CHCHD6: variants seen among roughly 807,000 people sequenced by gnomAD.
The protein encoded by CHCHD6 is coiled-coil-helix-coiled-coil-helix domain containing 6.
CHCHD6 carries 28 observed loss-of-function variants against 32.3 expected under a neutral mutation model. That is an observed-to-expected ratio of 0.87 (90% CI 0.64 to 1.19). CHCHD6 has a LOEUF of 1.19. Among genes scored for constraint, CHCHD6 ranks in the 50% most tolerant of loss-of-function variants. The probability of loss-of-function intolerance (pLI) is 0.00; values close to 1 mark genes in which losing one functional copy is unlikely to be tolerated. For missense variants in CHCHD6, 333 were observed against 307.0 expected (o/e 1.08, Z -0.63); for synonymous variants, 122 against 117.5 (o/e 1.04, Z -0.25).
intron 4 of CHCHD6, among the ~76,000 whole-genome samples, chr3:126,804,000 G>T (rs545015794): frequency 4.1e-4 from 62 of 152,318 alleles, no homozygotes; most frequent in African/African-American, 1.5e-3. Flanking sequence ...AAATAAAGAT[G>T]TTCTTTTAAA....
intron 4 of CHCHD6, among the ~76,000 whole-genome samples, chr3:126,818,042 C>T (rs1374327245): frequency 1.3e-5 from 2 of 152,084 alleles, no homozygotes; most frequent in Admixed American, 6.5e-5. Context: ...GGGTGATGGC[C>T]GCAGCCATGT....
intron 4 of CHCHD6, among the ~76,000 whole-genome samples, chr3:126,751,552 T>C (rs1559822635): frequency 6.6e-6 from 1 of 151,688 alleles, no homozygotes; most frequent in Admixed American, 6.6e-5. Context: ...ACTTGATTTT[T>C]ATCTTATCCT....
At chr3:126,899,338 T>G (rs1453455211) in intron 5 of CHCHD6, among the ~76,000 whole-genome samples, 1 of 152,224 alleles carries the variant, frequency 6.6e-6, no homozygotes, top group Non-Finnish European at 1.5e-5. Context: ...CTCATCAAAT[T>G]TGCAAATTTT....
chr3:126,931,604 GC>G (rs1245580908), intron 6 of CHCHD6, among the ~76,000 whole-genome samples: 1 of 152,120 alleles, frequency 6.6e-6, no homozygotes, highest in Non-Finnish European at 1.5e-5. Context: ...ACCTGAGTCT[GC>G]CCCCCAGGTC....
At chr3:126,935,093 C>G (rs2078459940) in intron 6 of CHCHD6, 2 of 985,764 alleles carry the variant, frequency 2.0e-6, no homozygotes, top group Admixed American at 1.2e-4. Context: ...CCATTCGTTC[C>G]AGGGTTTACT....
At chr3:126,741,013 T>C (rs940546240) in intron 4 of CHCHD6, among the ~76,000 whole-genome samples, 2 of 152,222 alleles carry the variant, frequency 1.3e-5, no homozygotes, top group Admixed American at 1.3e-4. Flanking sequence ...TGTTCATCAC[T>C]GCTGCAGTAG....
chr3:126,715,248 GT>G (rs1300381614), intron 1 of CHCHD6, among the ~76,000 whole-genome samples: 1 of 152,088 alleles, frequency 6.6e-6, no homozygotes, highest in Admixed American at 6.5e-5. Flanking sequence ...AGTGTCCAGG[GT>G]TTGGATTTGA....
At chr3:126,886,210 A>G (rs976279736) in intron 5 of CHCHD6, among the ~76,000 whole-genome samples, 1 of 152,218 alleles carries the variant, frequency 6.6e-6, no homozygotes, top group African/African-American at 2.4e-5. Flanking sequence ...ACTTTTATAG[A>G]TATAAAGCAA....
At chr3:126,779,226 C>T (rs1937799922) in intron 4 of CHCHD6, among the ~76,000 whole-genome samples, 1 of 152,048 alleles carries the variant, frequency 6.6e-6, no homozygotes, top group Non-Finnish European at 1.5e-5. Flanking sequence ...AGACTTACAC[C>T]TATGATTCTT....
At chr3:126,756,070 C>G (rs1936946228) in intron 4 of CHCHD6, among the ~76,000 whole-genome samples, 2 of 152,132 alleles carry the variant, frequency 1.3e-5, no homozygotes, top group Admixed American at 6.5e-5. Flanking sequence ...GTTGCAGCAG[C>G]TGGTCTGTCT....
chr3:126,746,501 G>A (rs746796085), intron 4 of CHCHD6, among the ~76,000 whole-genome samples: 4 of 152,166 alleles, frequency 2.6e-5, no homozygotes, highest in Non-Finnish European at 5.9e-5. Context: ...GGCGCTTGGT[G>A]TGCGAGTGCA....
chr3:126,705,434 A>G (rs1478369664), intron 1 of CHCHD6, among the ~76,000 whole-genome samples: 1 of 152,220 alleles, frequency 6.6e-6, no homozygotes, highest in African/African-American at 2.4e-5. Flanking sequence ...TAACTGATTT[A>G]ATTTTCAACA....
intron 3 of CHCHD6, among the ~76,000 whole-genome samples, chr3:126,730,894 A>G (rs1280024581): frequency 1.3e-5 from 2 of 152,076 alleles, no homozygotes; most frequent in East Asian, 1.9e-4. Context: ...GGGTTGCTTG[A>G]GGCCAGGAGT....
chr3:126,960,292 C>T lies in CHCHD6; in HGVS notation c.*91C>T. On this transcript the variant is annotated 3_prime_UTR_variant, in exon 8 of 8. Transcript: ENST00000290913. ...CCACAGCCACTGTGCCCTGCCGTTT[C>T]CTGCTGGGCCCCTGCATATGCCCCT... is the stretch of plus-strand genomic sequence containing the variant. 4 of 1,465,990 alleles carry T rather than the reference C, an allele frequency of 2.7e-6. No individual in the cohort carries two copies. The highest frequency in any genetic ancestry group is 3.7e-6 in the Non-Finnish European group (4 of 1,072,660). The allele number at this position is 1,465,990 out of a possible 1,614,324, so 90.8% of individuals were successfully genotyped here. A position where few individuals can be genotyped will look rare whatever the true frequency, so the allele number is the denominator to read the frequency against.
intron 5 of CHCHD6, among the ~76,000 whole-genome samples, chr3:126,885,694 C>A (rs1237310961): frequency 1.3e-5 from 2 of 152,212 alleles, no homozygotes; most frequent in Admixed American, 6.5e-5. Flanking sequence ...ACCTCATCTG[C>A]TGTCAACAGC....
chr3:126,780,241 A>T (rs1208962773), intron 4 of CHCHD6: 2 of 329,794 alleles, frequency 6.1e-6, no homozygotes, highest in Non-Finnish European at 1.2e-5. Context: ...TCACTTGGAT[A>T]ATGAAAGTTA....
At chr3:126,861,989 C>T (rs1179473241) in intron 5 of CHCHD6, among the ~76,000 whole-genome samples, 1 of 63,072 alleles carries the variant, frequency 1.6e-5, no homozygotes, top group Non-Finnish European at 3.6e-5. Flanking sequence ...ATCACCACCT[C>T]CCCCTCCACC....
At chr3:126,799,252 A>G (rs1576429740) in intron 4 of CHCHD6, among the ~76,000 whole-genome samples, 1 of 152,346 alleles carries the variant, frequency 6.6e-6, no homozygotes, top group East Asian at 1.9e-4. Flanking sequence ...AGCTGTACTC[A>G]ACAGATGGGT....
intron 5 of CHCHD6, among the ~76,000 whole-genome samples, chr3:126,912,585 G>A (rs946693845): frequency 1.3e-5 from 2 of 152,220 alleles, no homozygotes; most frequent in African/African-American, 4.8e-5. Flanking sequence ...TCAGAAGTGA[G>A]GAGCAGCGAG....
Sources: gnomAD v4.1 joint callset for allele counts (sites outside exome capture counted in the v4.1 genomes callset) on GRCh38, gnomAD v4.1.1 for gene constraint, MANE v1.5 for transcripts, NCBI Gene and HGNC (gene_info 2026-07-23, HGNC 2026-07-21) for gene names.